The following NAE1 variants were observed in gnomAD, a reference collection of about 807,000 sequenced individuals.
NAE1 encodes NEDD8 activating enzyme E1 subunit 1.
In NAE1, 59 loss-of-function variants were observed where a neutral mutation model predicts 88.0. The observed-to-expected ratio is 0.67, with a 90% CI of 0.54 to 0.83. The LOEUF (loss-of-function observed/expected upper bound fraction) is 0.83. Among genes scored for constraint, NAE1 ranks in the 40% least tolerant of loss-of-function variants. NAE1 has a pLI of 0.00. For missense variants in NAE1, 554 were observed against 632.8 expected (o/e 0.88, Z 1.34); for synonymous variants, 186 against 208.9 (o/e 0.89, Z 0.95).
Position 66,813,689 on chromosome 16 carries a change from T to C in NAE1, c.909A>G (p.Ser303=). The C allele has an allele frequency of 1.2e-6, 2 of 1,613,508 alleles. No individual in the cohort carries two copies. The highest frequency in any genetic ancestry group is 2.7e-5 in the African/African-American group (2 of 75,026). Residue 303 remains serine, a synonymous_variant, in exon 13 of 20, where the codon TCA becomes TCG. Coordinates refer to ENST00000290810, the MANE Select transcript of NAE1 (RefSeq NM_003905.4). ...TTAAGGCACGAGCTAAAATCCAAAATGATGGAGTCTAAAAGAATAAGAAAA... is the reference window on the plus strand; with the variant it reads ...TTAAGGCACGAGCTAAAATCCAAAACGATGGAGTCTAAAAGAATAAGAAAA... ...RCINITKQTP[S]FWILARALKE...
At chr16:66,806,795 C>T (rs1033296039) in intron 17 of NAE1, among the ~76,000 whole-genome samples, 1 of 152,106 alleles carries the variant, frequency 6.6e-6, no homozygotes, top group African/African-American at 2.4e-5. Context: ...TGATTGAATC[C>T]TCAAAACAGT....
At chr16:66,812,361 T>C (rs1959836345) in intron 13 of NAE1, among the ~76,000 whole-genome samples, 1 of 152,108 alleles carries the variant, frequency 6.6e-6, no homozygotes, top group Non-Finnish European at 1.5e-5. Flanking sequence ...TTAAATTACT[T>C]AATACATATA....
intron 10 of NAE1, 90 bp from the exon 11 acceptor site, chr16:66,816,762 G>A (rs1960058560): frequency 1.5e-6 from 2 of 1,291,972 alleles, no homozygotes; most frequent in South Asian, 1.3e-5. Context: ...AGATCCTGCA[G>A]AATATTAAAT....
At position 66,809,078 on chromosome 16, in the gene NAE1, G is replaced by A. The variant is rs1003792041; in HGVS notation, c.1151-3C>T. 1.1e-5 allele frequency: 17 copies of A among 1,604,998 alleles called. No homozygotes were observed. The highest frequency in any genetic ancestry group is 1.4e-5 in the Non-Finnish European group (17 of 1,173,868). ...TCGAAGAAATGCAGAATTGCTGCCT[G>A]AACAGAGGAAAGATATTCTGGAAGT... On this transcript the variant is annotated splice_polypyrimidine_tract_variant and splice_region_variant and intron_variant, in intron 15 of 19. Coordinates refer to ENST00000290810, the MANE Select transcript of NAE1 (RefSeq NM_003905.4).
At position 66,830,893 on chromosome 16, in the gene NAE1, G is replaced by A; in HGVS notation, c.7C>T (p.Gln3Ter). ...TGCTCCTTGAGCAGCTTTCCCAGCT[G>A]CGCCATGGCCGCGCCTGCCGCGCGG... MA[Q>*]LGKLLKEQKY... The change falls in exon 1 of 20, where the codon CAG becomes TAG. Residue 3 changes from glutamine to a stop codon, truncating the protein, a stop_gained. Coordinates refer to ENST00000290810, the MANE Select transcript of NAE1 (RefSeq NM_003905.4). LOFTEE classifies it high-confidence loss of function. 1 of 1,536,332 alleles carries A rather than the reference G, an allele frequency of 6.5e-7. No homozygotes were observed. The highest frequency in any genetic ancestry group is 8.7e-7 in the Non-Finnish European group (1 of 1,150,540).
rs757362208 is a variant in NAE1 at position 66,802,996 on chromosome 16, G to C, written c.*13C>G. The C allele has an allele frequency of 6.7e-6, 10 of 1,497,292 alleles. No homozygotes were observed. In the Admixed American group the frequency reaches 8.4e-5, roughly 13 times the overall value. The allele number at this position is 1,497,292 out of a possible 1,614,324, so 92.8% of individuals were successfully genotyped here. A position where few individuals can be genotyped will look rare whatever the true frequency, so the allele number is the denominator to read the frequency against. On this transcript the variant is annotated 3_prime_UTR_variant, in exon 20 of 20. Coordinates refer to ENST00000290810, the MANE Select transcript of NAE1 (RefSeq NM_003905.4). ...TTCAATCATTAACACACTACTTAAG[G>C]TGCTTGCTTACTCTACAACTGGAAA...
intron 8 of NAE1, among the ~76,000 whole-genome samples, chr16:66,818,199 G>A (rs913096293): frequency 6.6e-6 from 1 of 152,100 alleles, no homozygotes; most frequent in African/African-American, 2.4e-5. Flanking sequence ...CTTTCAAGGA[G>A]TAAATCTTAT....
intron 3 of NAE1, chr16:66,826,295 C>T: frequency 5.6e-6 from 3 of 537,056 alleles, no homozygotes; most frequent in Non-Finnish European, 1.0e-5. Flanking sequence ...ACGACTACTC[C>T]TTTGTATTAA....
At chr16:66,818,673 A>G in intron 7 of NAE1, 36 bp from the exon 8 acceptor site, 1 of 1,560,908 alleles carries the variant, frequency 6.4e-7, no homozygotes, top group Non-Finnish European at 8.6e-7. Flanking sequence ...TAAATTTAAC[A>G]CTTAAAAAAA....
rs751007089 is a variant in NAE1, at chr16:66,818,531, T to G, written c.618A>C (p.Lys206Asn). The G allele has an allele frequency of 6.2e-7, 1 of 1,608,688 alleles. No individual in the cohort carries two copies. The highest frequency in any genetic ancestry group is 1.7e-5 in the Admixed American group (1 of 58,680). The change falls in exon 8 of 20, where the codon AAA (lysine) becomes AAC (asparagine). Residue 206 changes from lysine (K) to asparagine (N), a missense_variant. Lys to Asn is a moderately conservative substitution (Grantham distance 94). Coordinates refer to ENST00000290810, the MANE Select transcript of NAE1 (RefSeq NM_003905.4). The part of the protein sequence containing the change: ...FQSYDLDHME[K>N]KDHSHTPWIV... ...TAAGGTCACACACACTACCAACCTT[T>G]TTTTCCATATGATCCAAATCATAGG... is the stretch of plus-strand genomic sequence containing the variant.
intron 3 of NAE1, 85 bp downstream of exon 3, chr16:66,826,438 C>G: frequency 4.0e-6 from 5 of 1,257,106 alleles, no homozygotes; most frequent in Non-Finnish European, 5.7e-6. Context: ...CACTGAGAGT[C>G]GAGTCACCCT....
At chr16:66,819,969 C>T (rs1960187820) in intron 7 of NAE1, among the ~76,000 whole-genome samples, 1 of 152,182 alleles carries the variant, frequency 6.6e-6, no homozygotes, top group Admixed American at 6.6e-5. Context: ...CCCTTTAAAT[C>T]CATTTACTTT....
chr16:66,807,744 A>G (rs1381550939), intron 17 of NAE1, among the ~76,000 whole-genome samples: 1 of 152,224 alleles, frequency 6.6e-6, no homozygotes, highest in African/African-American at 2.4e-5. Context: ...ATAATCCTGC[A>G]CAATTAAAAT....
At chr16:66,825,180 G>A (rs1960416088) in intron 3 of NAE1, among the ~76,000 whole-genome samples, 3 of 152,180 alleles carry the variant, frequency 2.0e-5, no homozygotes, top group Admixed American at 2.0e-4. Flanking sequence ...GGGTGTGGTG[G>A]CTCATGCCTG....
At chr16:66,826,613 T>C in intron 2 of NAE1, 30 bp from the exon 3 acceptor site, 2 of 1,614,060 alleles carry the variant, frequency 1.2e-6, no homozygotes, top group Non-Finnish European at 1.7e-6. Flanking sequence ...CAGTCAGGAA[T>C]ACATAGTTCT....
intron 19 of NAE1, among the ~76,000 whole-genome samples, chr16:66,803,593 AT>A (rs56967750): frequency 0.02 from 2,840 of 144,020 alleles, 49 homozygotes; most frequent in South Asian, 0.097. Context: ...ACTGGATAGA[AT>A]TTTTTTTTTT....
chr16:66,817,747 A>G (rs1022736243), intron 8 of NAE1, among the ~76,000 whole-genome samples: 1 of 152,176 alleles, frequency 6.6e-6, no homozygotes, highest in Non-Finnish European at 1.5e-5. Context: ...AACACAGCTC[A>G]AATCTCAATT....
At chr16:66,805,507 C>T in intron 19 of NAE1, 1 of 352,020 alleles carries the variant, frequency 2.8e-6, no homozygotes, top group Non-Finnish European at 5.1e-6. Context: ...GGCTTACTGG[C>T]ACATGCCTGT....
rs569318459 is a variant in NAE1, at chr16:66,813,625, C to T, written c.973G>A (p.Val325Ile). Reference protein sequence around the residue: ...VAKEGQGNLPVRGTIPDMIAD... With the variant: ...VAKEGQGNLPIRGTIPDMIAD... Reference sequence around the variant, plus strand: ...ATCATATCAGGAATTGTGCCTCGAACAGGTAAATTTCCTTGACCCTCTTTG... The same window carrying T: ...ATCATATCAGGAATTGTGCCTCGAATAGGTAAATTTCCTTGACCCTCTTTG... The change falls in exon 13 of 20, where the codon GTT becomes ATT. Residue 325 changes from valine (V) to isoleucine (I), a missense_variant. Transcript: ENST00000290810. The T allele has an allele frequency of 4.5e-5, 72 of 1,614,016 alleles. No homozygotes were observed. Among genetic ancestry groups the T allele is most frequent in the Admixed American group, 4.0e-4 (24 of 60,012 alleles).
Sources: allele counts gnomAD v4.1 joint callset (sites outside exome capture counted in the v4.1 genomes callset), GRCh38; gene constraint gnomAD v4.1.1; transcripts MANE v1.5; gene names NCBI Gene and HGNC (gene_info 2026-07-23, HGNC 2026-07-21).